Variants in MTMR2 observed in about 807,000 individuals in gnomAD.
MTMR2 encodes the protein phosphatidylinositol-3,5-bisphosphate 3-phosphatase MTMR2.
MTMR2 carries 55 observed loss-of-function variants against 86.9 expected under a neutral mutation model. That is an observed-to-expected ratio of 0.63 (90% CI 0.51 to 0.79). The LOEUF is 0.79. Ranked by LOEUF, MTMR2 falls within the 30% of genes least tolerant of loss-of-function variation. The pLI, the probability that MTMR2 is intolerant of heterozygous loss-of-function variation, is 0.00. For missense variants in MTMR2, 659 were observed against 772.3 expected (o/e 0.85, Z 1.74); for synonymous variants, 241 against 266.8 (o/e 0.90, Z 0.94).
chr11:95,836,049 A>C, intron 14 of MTMR2, 99 bp downstream of exon 14: 1 of 1,196,014 alleles, frequency 8.4e-7, no homozygotes. Context: ...TAAGGAGTAA[A>C]GTTTTAAATA....
At chr11:95,868,293 AAAAAAAAAGAAAGAAAAAG>A (rs1488890821) in intron 2 of MTMR2, among the ~76,000 whole-genome samples, 8 of 131,366 alleles carry the variant, frequency 6.1e-5, no homozygotes, top group African/African-American at 1.5e-4. Context: ...AAAAAAAAAA[AAAAAAAAAGAAAGAAAAAG>A]AAAAAGAAAA....
intron 7 of MTMR2, among the ~76,000 whole-genome samples, chr11:95,856,416 TTTCTTC>T (rs1194525226): frequency 2.6e-5 from 4 of 152,040 alleles, no homozygotes; most frequent in Non-Finnish European, 5.9e-5. Flanking sequence ...TCATCTTCAT[TTTCTTC>T]TGTAATAAAC....
intron 1 of MTMR2, among the ~76,000 whole-genome samples, chr11:95,915,801 CACT>C (rs1457014998): frequency 2.6e-5 from 4 of 152,110 alleles, no homozygotes; most frequent in Non-Finnish European, 4.4e-5. Context: ...ACTTCATTAC[CACT>C]ACTACTTTAC....
At chr11:95,921,084 A>C (rs917339540) in intron 1 of MTMR2, among the ~76,000 whole-genome samples, 6 of 152,248 alleles carry the variant, frequency 3.9e-5, no homozygotes, top group Non-Finnish European at 8.8e-5. Context: ...TACCACCTTC[A>C]GATATAAATT....
chr11:95,859,944 G>C (rs2135468265), intron 5 of MTMR2, among the ~76,000 whole-genome samples: 1 of 152,266 alleles, frequency 6.6e-6, no homozygotes, highest in South Asian at 2.1e-4. Context: ...AACTAGGTGA[G>C]ATACTCAGAA....
intron 2 of MTMR2, among the ~76,000 whole-genome samples, chr11:95,880,505 G>C (rs1474342046): frequency 1.3e-5 from 2 of 151,992 alleles, no homozygotes; most frequent in Non-Finnish European, 2.9e-5. Flanking sequence ...AGCATTTGTA[G>C]ATATTGCTAT....
intron 9 of MTMR2, among the ~76,000 whole-genome samples, chr11:95,848,338 C>T (rs1419711305): frequency 6.6e-6 from 1 of 152,140 alleles, no homozygotes; most frequent in Non-Finnish European, 1.5e-5. Flanking sequence ...CTCTTCACCT[C>T]ATTTTAATCT....
chr11:95,859,985 G>A (rs143879163), intron 5 of MTMR2, among the ~76,000 whole-genome samples: 23 of 152,288 alleles, frequency 1.5e-4, no homozygotes, highest in Non-Finnish European at 3.1e-4. Flanking sequence ...TTCTCTGAAA[G>A]TACCATGTCA....
intron 1 of MTMR2, among the ~76,000 whole-genome samples, chr11:95,920,500 A>T (rs1437581858): frequency 2.7e-5 from 4 of 147,520 alleles, no homozygotes; most frequent in Non-Finnish European, 4.5e-5. Context: ...TTTTTTTTTT[A>T]AAGATGCAGG....
chr11:95,835,336 GCTCT>G lies in MTMR2; in HGVS notation c.1882_1885del (p.Arg628ProfsTer19), dbSNP rs751292488. On this transcript the variant is annotated frameshift_variant, in exon 15 of 15. Coordinates refer to ENST00000346299, the MANE Select transcript of MTMR2 (RefSeq NM_016156.6). LOFTEE classifies it high-confidence loss of function. The stretch of plus-strand genomic sequence containing the variant: ...AGTGACACACTGTGCAGGAGAGCTG[GCTCT>G]CTCTGAGGATGAGGTTGATCGGTTA... 2 of 1,613,052 alleles carry G rather than the reference GCTCT, an allele frequency of 1.2e-6. No individual in the cohort carries two copies. Among genetic ancestry groups the G allele is most frequent in the Non-Finnish European group, 1.7e-6 (2 of 1,179,326 alleles).
intron 1 of MTMR2, chr11:95,923,590 AAGAC>A: frequency 2.7e-6 from 3 of 1,118,818 alleles, no homozygotes; most frequent in Non-Finnish European, 3.5e-6. Context: ...GAGGGAATGA[AAGAC>A]AGGAGAAAGT....
chr11:95,859,995 AG>A (rs1200198235), intron 5 of MTMR2, among the ~76,000 whole-genome samples: 2 of 152,222 alleles, frequency 1.3e-5, no homozygotes, highest in African/African-American at 2.4e-5. Context: ...GTACCATGTC[AG>A]GGGCCCTACA....
intron 1 of MTMR2, chr11:95,912,857 G>T (rs1190750879): frequency 6.6e-6 from 1 of 151,916 alleles, no homozygotes; most frequent in African/African-American, 2.4e-5. Context: ...TACAAATGAA[G>T]AAAAGTTTTA....
chr11:95,912,945 A>G (rs1866564928), intron 1 of MTMR2: 1 of 152,072 alleles, frequency 6.6e-6, no homozygotes, highest in Admixed American at 6.6e-5. Flanking sequence ...CTACTATTTC[A>G]CTCAAAAAAT....
intron 1 of MTMR2, among the ~76,000 whole-genome samples, chr11:95,922,437 A>G (rs956189300): frequency 6.6e-6 from 1 of 152,200 alleles, no homozygotes; most frequent in African/African-American, 2.4e-5. Context: ...GTTAATCCTC[A>G]GCTTTCCAAA....
At chr11:95,835,595 GGACT>G in intron 14 of MTMR2, 144 bp from the exon 15 acceptor site, 1 of 773,252 alleles carries the variant, frequency 1.3e-6, no homozygotes, top group Non-Finnish European at 2.2e-6. Context: ...TTAAATACCG[GGACT>G]GTGGACACCA....
chr11:95,839,773 T>C (rs141074280), intron 12 of MTMR2, among the ~76,000 whole-genome samples: 1 of 152,276 alleles, frequency 6.6e-6, no homozygotes, highest in African/African-American at 2.4e-5. Context: ...TTCAAGTATT[T>C]ATAAAACTGA....
rs1380507095 is a variant in MTMR2 at position 95,841,649 on chromosome 11, A to G, written c.1447T>C (p.Phe483Leu). ...DADRSPVFLQ[F>L]IDCVWQMTRQ... ...GTCATCTGCCAGACACAGTCAATAA[A>G]TTGAAGAAAAACAGGCGATCTGTCT... The change falls in exon 12 of 15, where the codon TTT (phenylalanine) becomes CTT (leucine). Residue 483 changes from phenylalanine (F) to leucine (L), a missense_variant. Around this residue, in one of 3 missense-constraint regions of MTMR2, gnomAD observed 193 missense variants for 191.6 expected, o/e 1.01. Coordinates refer to ENST00000346299, the MANE Select transcript of MTMR2 (RefSeq NM_016156.6). 3 of 1,613,676 alleles carry G rather than the reference A, an allele frequency of 1.9e-6. No homozygotes were observed. The highest frequency in any genetic ancestry group is 1.7e-6 in the Non-Finnish European group (2 of 1,179,726).
intron 1 of MTMR2, among the ~76,000 whole-genome samples, chr11:95,911,164 C>T (rs558752332): frequency 2.6e-4 from 40 of 152,176 alleles, no homozygotes; most frequent in Admixed American, 7.9e-4. Context: ...GAGATTTGAG[C>T]TCTGGGACAG....
Sources: gnomAD v4.1 joint callset for allele counts (sites outside exome capture counted in the v4.1 genomes callset) on GRCh38, gnomAD v4.1.1 for gene constraint, gnomAD v4.1.1 regional missense constraint, MANE v1.5 for transcripts, NCBI Gene and HGNC (gene_info 2026-07-23, HGNC 2026-07-21) for gene names.